The following RPRD1B variants were observed in gnomAD, a reference collection of about 807,000 sequenced individuals.
RPRD1B encodes the protein regulation of nuclear pre-mRNA domain-containing protein 1B.
RPRD1B carries 11 observed loss-of-function variants against 41.5 expected under a neutral mutation model. That is an observed-to-expected ratio of 0.27 (90% CI 0.17 to 0.44). The LOEUF (loss-of-function observed/expected upper bound fraction) is 0.44. Ranked by LOEUF, RPRD1B falls within the 20% of genes least tolerant of loss-of-function variation. RPRD1B has a pLI of 1.00. For missense variants in RPRD1B, 248 were observed against 389.9 expected (o/e 0.64, Z 3.06); for synonymous variants, 158 against 155.6 (o/e 1.02, Z -0.12).
intron 1 of RPRD1B, among the ~76,000 whole-genome samples, chr20:38,035,601 C>G (rs139872461): frequency 6.6e-6 from 1 of 152,184 alleles, no homozygotes; most frequent in African/African-American, 2.4e-5. Context: ...CGGGCAGTTC[C>G]GGGAAGAGGT....
intron 2 of RPRD1B, 62 bp from the exon 3 acceptor site, chr20:38,048,286 C>G (rs1456488339): frequency 6.8e-7 from 1 of 1,472,500 alleles, no homozygotes; most frequent in Non-Finnish European, 9.2e-7. Flanking sequence ...TTAAGTAGGT[C>G]TGTCCTAATT....
At chr20:38,038,857 C>A (rs996085764) in intron 1 of RPRD1B, among the ~76,000 whole-genome samples, 1 of 152,106 alleles carries the variant, frequency 6.6e-6, no homozygotes, top group Non-Finnish European at 1.5e-5. Flanking sequence ...CATATCAATG[C>A]TTTGTACATT....
chr20:38,059,659 A>C, intron 5 of RPRD1B, 139 bp downstream of exon 5: 1 of 754,998 alleles, frequency 1.3e-6, no homozygotes, highest in Non-Finnish European at 2.0e-6. Flanking sequence ...TGGGATTTGC[A>C]AACATAACTC....
chr20:38,062,040 G>A (rs893573947), intron 5 of RPRD1B, among the ~76,000 whole-genome samples: 2 of 152,180 alleles, frequency 1.3e-5, no homozygotes, highest in Non-Finnish European at 2.9e-5. Context: ...GGGAGAGGGG[G>A]AATGAGAAGG....
At chr20:38,062,793 C>T (rs1158068237) in intron 5 of RPRD1B, among the ~76,000 whole-genome samples, 1 of 148,862 alleles carries the variant, frequency 6.7e-6, no homozygotes, top group Non-Finnish European at 1.5e-5. Flanking sequence ...CATAACACCC[C>T]CACGACTCCC....
At chr20:38,043,149 A>G (rs894033983) in intron 2 of RPRD1B, among the ~76,000 whole-genome samples, 6 of 152,236 alleles carry the variant, frequency 3.9e-5, no homozygotes, top group Non-Finnish European at 7.3e-5. Context: ...TGGACATAGT[A>G]AAATGGAGTG....
chr20:38,049,862 C>G (rs559548508), intron 3 of RPRD1B: 50 of 470,852 alleles, frequency 1.1e-4, no homozygotes, highest in African/African-American at 9.8e-4. Context: ...CCTGTTTTTC[C>G]AGATTCTTCT....
At chr20:38,058,321 T>C (rs1380488608) in intron 4 of RPRD1B, among the ~76,000 whole-genome samples, 1 of 152,208 alleles carries the variant, frequency 6.6e-6, no homozygotes, top group African/African-American at 2.4e-5. Flanking sequence ...TTAAAGCCTA[T>C]GTAAATAGGA....
In RPRD1B at chr20:38,066,235, G is replaced by A. The variant is rs375209929; in HGVS notation, c.810G>A (p.Ser270=). The part of the protein sequence containing the change: ...EYTQNQKDVL[S]EKEKKLEEYK... The stretch of plus-strand genomic sequence containing the variant: ...CCCAGAATCAGAAAGATGTTTTGTC[G>A]GAGAAGGAGAAAAAACTAGAGGTGA... Residue 270 remains serine, a synonymous_variant, in exon 6 of 7, where the codon TCG becomes TCA. Transcript: ENST00000373433. The A allele has an allele frequency of 6.5e-5, 105 of 1,613,926 alleles. No individual in the cohort carries two copies. The highest frequency in any genetic ancestry group is 1.1e-4 in the African/African-American group (8 of 74,906).
intron 4 of RPRD1B, among the ~76,000 whole-genome samples, chr20:38,058,472 C>G (rs2074265731): frequency 6.6e-6 from 1 of 152,130 alleles, no homozygotes; most frequent in Non-Finnish European, 1.5e-5. Flanking sequence ...ATCTAACTAC[C>G]ATCTACAGAG....
intron 3 of RPRD1B, among the ~76,000 whole-genome samples, chr20:38,052,756 T>G (rs988212044): frequency 2.4e-5 from 3 of 127,138 alleles, no homozygotes; most frequent in East Asian, 2.0e-4. Flanking sequence ...CGCGGTGTTT[T>G]TTTTTTTTTT....
intron 2 of RPRD1B, among the ~76,000 whole-genome samples, chr20:38,045,187 G>A (rs2074109098): frequency 6.6e-6 from 1 of 152,238 alleles, no homozygotes; most frequent in Admixed American, 6.5e-5. Flanking sequence ...AGTTGTGTAT[G>A]TAATTATTTG....
chr20:38,080,800 T>C (rs1002995450), intron 6 of RPRD1B, among the ~76,000 whole-genome samples: 2 of 152,172 alleles, frequency 1.3e-5, no homozygotes, highest in South Asian at 2.1e-4. Flanking sequence ...GCTGGGATTA[T>C]AGGCATGAGC....
chr20:38,088,434 C>T (rs2074582163), intron 6 of RPRD1B, among the ~76,000 whole-genome samples: 1 of 152,162 alleles, frequency 6.6e-6, no homozygotes, highest in Non-Finnish European at 1.5e-5. Context: ...AGAGGCAGAA[C>T]CAGGACCAAG....
At chr20:38,048,607 TC>T (rs1453888215) in intron 3 of RPRD1B, 126 bp downstream of exon 3, 1 of 1,451,572 alleles carries the variant, frequency 6.9e-7, no homozygotes, top group African/African-American at 1.4e-5. Flanking sequence ...AGACAGATGA[TC>T]ATGAATGATG....
At chr20:38,044,982 G>T (rs2074106888) in intron 2 of RPRD1B, among the ~76,000 whole-genome samples, 1 of 152,190 alleles carries the variant, frequency 6.6e-6, no homozygotes, top group South Asian at 2.1e-4. Flanking sequence ...GAACTGTAGA[G>T]GAAGAAAAGG....
At chr20:38,079,707 T>C (rs1283273159) in intron 6 of RPRD1B, among the ~76,000 whole-genome samples, 1 of 152,238 alleles carries the variant, frequency 6.6e-6, no homozygotes, top group East Asian at 1.9e-4. Flanking sequence ...GTCTTTATGG[T>C]AGAATAATTT....
chr20:38,034,348 C>T (rs1184878435), intron 1 of RPRD1B, among the ~76,000 whole-genome samples: 2 of 152,198 alleles, frequency 1.3e-5, no homozygotes, highest in African/African-American at 2.4e-5. Flanking sequence ...AGCCATTTTC[C>T]CTTCAGTTTC....
intron 6 of RPRD1B, among the ~76,000 whole-genome samples, chr20:38,073,507 T>C (rs187600220): frequency 4.6e-5 from 7 of 152,320 alleles, no homozygotes; most frequent in Non-Finnish European, 1.0e-4. Flanking sequence ...ATTGTGGTTA[T>C]AACAACTTGA....
Sources: gnomAD v4.1 joint callset for allele counts (sites outside exome capture counted in the v4.1 genomes callset) on GRCh38, gnomAD v4.1.1 for gene constraint, MANE v1.5 for transcripts, NCBI Gene and HGNC (gene_info 2026-07-23, HGNC 2026-07-21) for gene names.